Variants in LRRTM4 observed in about 807,000 individuals in gnomAD.
LRRTM4 encodes the protein leucine rich repeat transmembrane neuronal 4, also known as leucine-rich repeat transmembrane neuronal protein 4.
A neutral mutation model predicts 47.6 loss-of-function variants in LRRTM4; 25 were observed. That is an observed-to-expected ratio of 0.53 (90% CI 0.38 to 0.73). The LOEUF (loss-of-function observed/expected upper bound fraction) is 0.73. LRRTM4 is among the 30% of genes least tolerant of loss of function. LRRTM4 has a pLI of 0.00. For missense variants in LRRTM4, 638 were observed against 713.4 expected (o/e 0.89, Z 1.20); for synonymous variants, 311 against 269.5 (o/e 1.15, Z -1.51).
At chr2:76,832,331 T>C (rs530125561) in intron 3 of LRRTM4, among the ~76,000 whole-genome samples, 1 of 151,960 alleles carries the variant, frequency 6.6e-6, no homozygotes, top group Non-Finnish European at 1.5e-5. Context: ...GATTAAAAGA[T>C]CACACACACA....
chr2:77,489,406 A>T (rs1678051879), intron 3 of LRRTM4, among the ~76,000 whole-genome samples: 3 of 152,212 alleles, frequency 2.0e-5, no homozygotes, highest in African/African-American at 7.2e-5. Context: ...TTTAAACAAC[A>T]ATTTCTAATA....
intron 3 of LRRTM4, among the ~76,000 whole-genome samples, chr2:77,138,291 T>A (rs1381863939): frequency 1.3e-5 from 2 of 152,134 alleles, no homozygotes; most frequent in African/African-American, 4.8e-5. Context: ...CACAGTGCAA[T>A]CAAACTAGAA....
chr2:76,815,754 A>T (rs1454075128), intron 3 of LRRTM4, among the ~76,000 whole-genome samples: 4 of 152,120 alleles, frequency 2.6e-5, no homozygotes, highest in African/African-American at 9.7e-5. Context: ...CAGGTAACAT[A>T]AAGTAAATAT....
chr2:76,777,124 GT>G (rs1373715036), intron 3 of LRRTM4, among the ~76,000 whole-genome samples: 1 of 149,522 alleles, frequency 6.7e-6, no homozygotes, highest in African/African-American at 2.5e-5. Context: ...CTATATCTCT[GT>G]TTTGGTACCA....
intron 3 of LRRTM4, among the ~76,000 whole-genome samples, chr2:77,434,447 T>TA (rs35369430): frequency 2.0e-3 from 290 of 144,864 alleles, no homozygotes; most frequent in East Asian, 2.6e-3. Context: ...CTTGATCTGT[T>TA]AAAAAAAAAA....
At chr2:77,041,198 T>C (rs1679020616) in intron 3 of LRRTM4, among the ~76,000 whole-genome samples, 1 of 151,606 alleles carries the variant, frequency 6.6e-6, no homozygotes, top group African/African-American at 2.4e-5. Context: ...CTTGCCTTGC[T>C]TCATTTAATA....
intron 3 of LRRTM4, among the ~76,000 whole-genome samples, chr2:76,967,317 C>T (rs1021414468): frequency 2.7e-5 from 4 of 150,860 alleles, no homozygotes; most frequent in African/African-American, 9.8e-5. Context: ...CTAATCTTCT[C>T]TAGCTGCACA....
At chr2:77,079,646 C>T (rs1051937889) in intron 3 of LRRTM4, among the ~76,000 whole-genome samples, 1 of 152,168 alleles carries the variant, frequency 6.6e-6, no homozygotes, top group African/African-American at 2.4e-5. Context: ...GAATGACCTG[C>T]ACATCTCAAA....
intron 3 of LRRTM4, among the ~76,000 whole-genome samples, chr2:76,976,367 C>A (rs72823136): frequency 0.023 from 3,512 of 151,212 alleles, 86 homozygotes; most frequent in East Asian, 0.083. Context: ...AATGAAGAAA[C>A]CCATATATAA....
At chr2:77,399,041 A>T (rs2103831262) in intron 3 of LRRTM4, among the ~76,000 whole-genome samples, 1 of 151,886 alleles carries the variant, frequency 6.6e-6, no homozygotes, top group East Asian at 2.0e-4. Flanking sequence ...CCATGACTAG[A>T]CTGGCCTTTA....
chr2:76,900,326 T>G lies in LRRTM4; in HGVS notation c.1552-151410A>C, dbSNP rs563543023. On this transcript the variant is annotated intron_variant, in intron 3 of 3. Transcript: ENST00000409884. ...TGGGATACTGATATATATAGTTTTT[T>G]GTAGATAAAAATATGAATTTATTTA... is the stretch of plus-strand genomic sequence containing the variant. Among the ~76,000 whole-genome samples, 6 of 137,490 alleles carry G rather than the reference T, an allele frequency of 4.4e-5. No homozygotes were observed. In the South Asian group the frequency reaches 1.5e-3, roughly 34 times the overall value. 90.2% of individuals were successfully genotyped at this position (137,490 alleles called of 152,430 possible). A position where few individuals can be genotyped will look rare whatever the true frequency, so the allele number is the denominator to read the frequency against.
intron 3 of LRRTM4, among the ~76,000 whole-genome samples, chr2:77,208,238 C>G (rs1195185332): frequency 1.3e-5 from 2 of 152,080 alleles, no homozygotes; most frequent in African/African-American, 4.8e-5. Context: ...ATTGAATCAA[C>G]AATCACGTGT....
chr2:77,031,029 CTG>C (rs1211351629), intron 3 of LRRTM4, among the ~76,000 whole-genome samples: 2 of 152,120 alleles, frequency 1.3e-5, no homozygotes, highest in Non-Finnish European at 2.9e-5. Flanking sequence ...TGTGAATAAA[CTG>C]TAAATATTAT....
intron 3 of LRRTM4, among the ~76,000 whole-genome samples, chr2:77,481,690 A>T (rs868607198): frequency 6.6e-6 from 1 of 152,044 alleles, no homozygotes; most frequent in African/African-American, 2.4e-5. Flanking sequence ...AAACTGTGAG[A>T]TTCTTTCTGG....
chr2:77,022,072 G>T (rs903574344), intron 3 of LRRTM4, among the ~76,000 whole-genome samples: 2 of 152,104 alleles, frequency 1.3e-5, no homozygotes, highest in Non-Finnish European at 1.5e-5. Flanking sequence ...GGTTTAATTG[G>T]ACTTAAAGTT....
chr2:77,292,793 C>T (rs1322367642), intron 3 of LRRTM4, among the ~76,000 whole-genome samples: 1 of 151,254 alleles, frequency 6.6e-6, no homozygotes, highest in Admixed American at 6.6e-5. Context: ...CACATGTATA[C>T]ATATGTAACT....
chr2:77,434,822 C>T (rs1675527036), intron 3 of LRRTM4, among the ~76,000 whole-genome samples: 1 of 152,134 alleles, frequency 6.6e-6, no homozygotes, highest in African/African-American at 2.4e-5. Flanking sequence ...AATATATTCA[C>T]ACCAATTATC....
chr2:77,092,568 C>T (rs1004824304), intron 3 of LRRTM4, among the ~76,000 whole-genome samples: 21 of 125,802 alleles, frequency 1.7e-4, no homozygotes, highest in African/African-American at 2.7e-4. Flanking sequence ...ACATCAAGCT[C>T]GAGGATTTGC....
chr2:76,940,912 A>C (rs1486978672), intron 3 of LRRTM4, among the ~76,000 whole-genome samples: 1 of 152,212 alleles, frequency 6.6e-6, no homozygotes, highest in African/African-American at 2.4e-5. Context: ...CAAGGCTAGC[A>C]AGTGAACATT....
Sources: gnomAD v4.1 joint callset for allele counts (sites outside exome capture counted in the v4.1 genomes callset) on GRCh38, gnomAD v4.1.1 for gene constraint, MANE v1.5 for transcripts, NCBI Gene and HGNC (gene_info 2026-07-23, HGNC 2026-07-21) for gene names.